TSPAN8: variants seen among roughly 807,000 people sequenced by gnomAD.
TSPAN8 encodes the protein tetraspanin-8.
Under a neutral mutation model 32.8 loss-of-function variants are expected in TSPAN8, and 21 were observed. The ratio of observed to expected loss-of-function variants is 0.64; its 90% CI spans 0.45 to 0.92. The LOEUF is 0.92. Ranked by LOEUF, TSPAN8 falls within the 40% of genes least tolerant of loss-of-function variation. The pLI, the probability that TSPAN8 is intolerant of heterozygous loss-of-function variation, is 0.00. For synonymous variants in TSPAN8, 95 were observed against 94.6 expected, an observed-to-expected ratio of 1.00 and a Z score of -0.03; for missense variants, 269 against 281.9, an observed-to-expected ratio of 0.95 and a Z score of 0.33.
At chr12:71,150,160 G>T (rs1872205915) in intron 2 of TSPAN8, among the ~76,000 whole-genome samples, 1 of 152,166 alleles carries the variant, frequency 6.6e-6, no homozygotes, top group Admixed American at 6.5e-5. Flanking sequence ...TAAATTTGGG[G>T]TCAGACCGGT....
Position 71,138,157 on chromosome 12 carries a change from T to A in TSPAN8, c.335A>T (p.Lys112Met). ...ATTTTCAAACATCTGTGCACACACC[T>A]TAGATTTGAAAACAGCTCCTAGGAT... ...TGILGAVFKS[K>M]SDRIVNETLY... The change falls in exon 5 of 9, where the codon AAG (lysine) becomes ATG (methionine). Residue 112 changes from lysine to methionine, a missense_variant and splice_region_variant. Transcript: ENST00000247829. 1 of 1,613,970 alleles carries A rather than the reference T, an allele frequency of 6.2e-7. No individual in the cohort carries two copies. Among genetic ancestry groups the A allele is most frequent in the South Asian group, 1.1e-5 (1 of 91,068 alleles).
intron 6 of TSPAN8, among the ~76,000 whole-genome samples, chr12:71,134,741 C>T (rs2137049007): frequency 6.6e-6 from 1 of 152,238 alleles, no homozygotes; most frequent in East Asian, 1.9e-4. Context: ...TTCTCATTTA[C>T]AGATCGGTTC....
chr12:71,146,279 C>G (rs1872075923), intron 2 of TSPAN8, among the ~76,000 whole-genome samples: 1 of 152,096 alleles, frequency 6.6e-6, no homozygotes, highest in African/African-American at 2.4e-5. Context: ...AAAAATGAAA[C>G]AAATGTTTAG....
chr12:71,128,896 G>C (rs1457413555), intron 8 of TSPAN8, among the ~76,000 whole-genome samples: 1 of 152,032 alleles, frequency 6.6e-6, no homozygotes, highest in Non-Finnish European at 1.5e-5. Context: ...TCACACTCTT[G>C]AGTTCAGTTT....
chr12:71,125,350 T>G lies in TSPAN8; in HGVS notation c.698A>C (p.Gln233Pro). 6.2e-7 allele frequency: 1 copy of G among 1,612,624 alleles called. No homozygotes were observed. The stretch of plus-strand genomic sequence containing the variant: ...TCCACAGATTCATTTGTTCCCGATC[T>G]GGCAATACAGGACCATAGAAAACAC... ...GLVFSMVLYC[Q>P]IGNK is the part of the protein sequence containing the mutation. Residue 233 changes from glutamine to proline, a missense_variant, in exon 9 of 9, where the codon CAG (glutamine) becomes CCG (proline). Gln to Pro is a moderately conservative substitution (Grantham distance 76, BLOSUM62 -1). Transcript: ENST00000247829.
Position 71,125,614 on chromosome 12 carries a change from A to G in TSPAN8, c.661-227T>C, listed in dbSNP as rs140272383. On this transcript the variant is annotated intron_variant, in intron 8 of 8. Coordinates refer to ENST00000247829, the MANE Select transcript of TSPAN8 (RefSeq NM_004616.3). The stretch of plus-strand genomic sequence containing the variant: ...TTTAATCAGCTTTTTTAGCTGGCCA[A>G]TCAGCCTCTATCTAACTGGCCCCAT... Among the ~76,000 whole-genome samples the G allele has an allele frequency of 1.5e-4, 23 of 152,194 alleles. No homozygotes were observed. The East Asian group carries it at 3.7e-3, about 24-fold the overall frequency.
chr12:71,139,690 G>T (rs1173965785), intron 4 of TSPAN8, 21 bp downstream of exon 4: 12 of 1,611,238 alleles, frequency 7.4e-6, no homozygotes, highest in South Asian at 2.2e-5. Context: ...TTGGACACTG[G>T]GATTTGTTTG....
chr12:71,138,365 C>T, intron 4 of TSPAN8, 135 bp from the exon 5 acceptor site: 1 of 898,112 alleles, frequency 1.1e-6, no homozygotes, highest in East Asian at 2.6e-5. Flanking sequence ...TCATTTATTC[C>T]ACTTTTTACT....
intron 4 of TSPAN8, chr12:71,139,272 T>C (rs1232901741): frequency 2.2e-6 from 1 of 460,458 alleles, no homozygotes; most frequent in Non-Finnish European, 4.3e-6. Flanking sequence ...CGGAAAGCTT[T>C]TCCTACCCTC....
At chr12:71,142,844 A>AAC (rs1565787053) in intron 3 of TSPAN8, among the ~76,000 whole-genome samples, 6 of 77,746 alleles carry the variant, frequency 7.7e-5, no homozygotes, top group African/African-American at 2.9e-4. Context: ...GAGAGGAAAA[A>AAC]AACAAAAAAA....
rs756708108 is a variant in TSPAN8, at chr12:71,138,148, G to GCA, written c.336+6_336+7dup. ...TTCTTCAAAATTTTCAAACATCTGTGCACACACCTTAGATTTGAAAACAGC... is the reference window on the plus strand; with the variant it reads ...TTCTTCAAAATTTTCAAACATCTGTGCACACACACCTTAGATTTGAAAACAGC... On this transcript the variant is annotated splice_region_variant and intron_variant, in intron 5 of 8. Coordinates refer to ENST00000247829, the MANE Select transcript of TSPAN8 (RefSeq NM_004616.3). 2.5e-6 allele frequency: 4 copies of GCA among 1,613,870 alleles called. No individual in the cohort carries two copies. In the South Asian group the frequency reaches 3.3e-5, roughly 13 times the overall value.
chr12:71,149,938 G>A (rs896918745), intron 2 of TSPAN8, among the ~76,000 whole-genome samples: 1 of 152,132 alleles, frequency 6.6e-6, no homozygotes, highest in Non-Finnish European at 1.5e-5. Flanking sequence ...GCCTATAAAC[G>A]GACATGCAAG....
Position 71,125,357 on chromosome 12 carries a change from A to G in TSPAN8, c.691T>C (p.Tyr231His), listed in dbSNP as rs1368445448. ...ILGLVFSMVL[Y>H]CQIGNK ...ATTCATTTGTTCCCGATCTGGCAATACAGGACCATAGAAAACACCAAACCC... is the reference window on the plus strand; with the variant it reads ...ATTCATTTGTTCCCGATCTGGCAATGCAGGACCATAGAAAACACCAAACCC... The change falls in exon 9 of 9, where the codon TAT becomes CAT. Residue 231 changes from tyrosine (Y) to histidine (H), a missense_variant. Coordinates refer to ENST00000247829, the MANE Select transcript of TSPAN8 (RefSeq NM_004616.3). The G allele has an allele frequency of 2.5e-6, 4 of 1,613,034 alleles. No individual in the cohort carries two copies. Among genetic ancestry groups the G allele is most frequent in the South Asian group, 2.2e-5 (2 of 90,840 alleles).
At chr12:71,157,350 G>A in intron 2 of TSPAN8, 1 of 367,476 alleles carries the variant, frequency 2.7e-6, no homozygotes, top group Non-Finnish European at 5.0e-6. Flanking sequence ...AGGGGCATTT[G>A]TGTTCCTCTG....
At chr12:71,143,511 G>T (rs1385595469) in intron 3 of TSPAN8, among the ~76,000 whole-genome samples, 2 of 152,156 alleles carry the variant, frequency 1.3e-5, no homozygotes, top group Non-Finnish European at 2.9e-5. Context: ...GTGTGTGGGG[G>T]AGGAAAATGG....
At chr12:71,127,641 C>G (rs1871388693) in intron 8 of TSPAN8, among the ~76,000 whole-genome samples, 1 of 152,104 alleles carries the variant, frequency 6.6e-6, no homozygotes, top group South Asian at 2.1e-4. Context: ...AATATTTAAA[C>G]ATGTAATTAA....
At chr12:71,137,616 G>GA (rs1306815595) in intron 6 of TSPAN8, among the ~76,000 whole-genome samples, 2 of 151,978 alleles carry the variant, frequency 1.3e-5, no homozygotes, top group Non-Finnish European at 2.9e-5. Context: ...AAAAAAAGGG[G>GA]GAGAGAGAGA....
chr12:71,138,583 A>G (rs1871789617), intron 4 of TSPAN8, among the ~76,000 whole-genome samples: 2 of 152,238 alleles, frequency 1.3e-5, no homozygotes, highest in Non-Finnish European at 2.9e-5. Flanking sequence ...ACACAAACTC[A>G]GAATTGGCTT....
chr12:71,143,987 T>C (rs183555916), intron 3 of TSPAN8, among the ~76,000 whole-genome samples, 164 bp downstream of exon 3: 2 of 152,322 alleles, frequency 1.3e-5, no homozygotes, highest in East Asian at 1.9e-4. Context: ...GTAATTTTAA[T>C]TGATTGAACT....
Sources: gnomAD v4.1 joint callset for allele counts (sites outside exome capture counted in the v4.1 genomes callset) on GRCh38, gnomAD v4.1.1 for gene constraint, MANE v1.5 for transcripts, NCBI Gene and HGNC (gene_info 2026-07-23, HGNC 2026-07-21) for gene names.